DNAH14: variants seen among roughly 807,000 people sequenced by gnomAD.
The protein encoded by DNAH14 is dynein axonemal heavy chain 14, also known as axonemal beta dynein heavy chain 14.
DNAH14 carries 478 observed loss-of-function variants against 520.9 expected under a neutral mutation model. The ratio of observed to expected loss-of-function variants is 0.92; its 90% CI spans 0.85 to 0.99. The LOEUF (loss-of-function observed/expected upper bound fraction) is 0.99. Among genes scored for constraint, DNAH14 ranks in the 50% least tolerant of loss-of-function variants. The probability of loss-of-function intolerance (pLI) is 0.00; values close to 1 mark genes in which losing one functional copy is unlikely to be tolerated. For missense variants in DNAH14, 4,831 were observed against 5,234.5 expected, an observed-to-expected ratio of 0.92 and a Z score of 2.38; for synonymous variants, 1,581 against 1,757.2, an observed-to-expected ratio of 0.90 and a Z score of 2.51.
chr1:225,140,891 C>T lies in DNAH14; in HGVS notation c.4378C>T (p.Leu1460=), dbSNP rs2079392482. The change falls in exon 28 of 86, where the codon CTG becomes TTG. Residue 1460 remains leucine (L), a synonymous_variant. Transcript: ENST00000682510. ...HLEEVADLVV[L]DTSNSRTKAI... is the part of the protein sequence containing the mutation. ...AGAAGAGGTTGCAGACCTGGTAGTG[C>T]TGGATACTAGTAACTCTCGAACAAA... The T allele has an allele frequency of 6.4e-7, 1 of 1,551,194 alleles. No individual in the cohort carries two copies. The highest frequency in any genetic ancestry group is 1.4e-5 in the African/African-American group (1 of 72,998).
At chr1:225,111,542 C>G (rs2076477381) in intron 23 of DNAH14, among the ~76,000 whole-genome samples, 1 of 151,672 alleles carries the variant, frequency 6.6e-6, no homozygotes, top group Non-Finnish European at 1.5e-5. Flanking sequence ...AAGTGTGTTT[C>G]TTATTGGGAG....
At chr1:225,106,441 T>G (rs2148784795) in intron 23 of DNAH14, among the ~76,000 whole-genome samples, 1 of 152,286 alleles carries the variant, frequency 6.6e-6, no homozygotes, top group South Asian at 2.1e-4. Flanking sequence ...CTTGCTAGAT[T>G]GGGAAGTTCT....
chr1:225,365,112 C>G (rs546817914), intron 76 of DNAH14, among the ~76,000 whole-genome samples: 1 of 152,236 alleles, frequency 6.6e-6, no homozygotes, highest in African/African-American at 2.4e-5. Context: ...ATGTTATTTG[C>G]TCAAACAAGG....
At position 225,340,521 on chromosome 1, in the gene DNAH14, A is replaced by T. The variant is rs1001907140; in HGVS notation, c.10498A>T (p.Met3500Leu). The change falls in exon 69 of 86, where the codon ATG (methionine) becomes TTG (leucine). Residue 3500 changes from methionine to leucine, a missense_variant. Coordinates refer to ENST00000682510, the MANE Select transcript of DNAH14 (RefSeq NM_001367479.1). ...TCCATCAGTTTATAACTTTGTTACT[A>T]TGATCAACTTCACTGTAACATTCCA... The part of the protein sequence containing the change: ...FLPSVYNFVT[M>L]INFTVTFQGL... 6.4e-7 allele frequency: 1 copy of T among 1,551,388 alleles called. No individual in the cohort carries two copies. Among genetic ancestry groups the T allele is most frequent in the Non-Finnish European group, 8.7e-7 (1 of 1,146,816 alleles).
rs1286447396 is a variant in DNAH14 at position 224,953,571 on chromosome 1, C to T, written c.77+792C>T. On this transcript the variant is annotated intron_variant, in intron 2 of 85. Coordinates refer to ENST00000682510, the MANE Select transcript of DNAH14 (RefSeq NM_001367479.1). ...AAAACTTATTATAAAGCTATCATAA[C>T]TAAGAAGTGTGCTGTAGAAACAAGG... 2.6e-5 allele frequency among the ~76,000 whole-genome samples: 4 copies of T among 152,174 alleles called. No homozygotes were observed. The East Asian group carries it at 7.7e-4, about 29-fold the overall frequency.
intron 8 of DNAH14, among the ~76,000 whole-genome samples, chr1:224,998,923 G>GC (rs1337941523): frequency 6.6e-6 from 1 of 151,674 alleles, no homozygotes; most frequent in Non-Finnish European, 1.5e-5. Flanking sequence ...TTGACATTTT[G>GC]CAGCCCTATT....
chr1:225,264,087 G>T (rs905259208), intron 46 of DNAH14, 110 bp from the exon 47 acceptor site: 35 of 912,988 alleles, frequency 3.8e-5, no homozygotes, highest in Non-Finnish European at 5.7e-5. Context: ...AATTTTTCTT[G>T]TAAGAGTTAG....
intron 8 of DNAH14, among the ~76,000 whole-genome samples, chr1:224,985,237 G>C (rs2062547405): frequency 6.6e-6 from 1 of 152,030 alleles, no homozygotes; most frequent in Non-Finnish European, 1.5e-5. Context: ...CAAACAATAG[G>C]CATGTAAAGA....
At chr1:225,368,597 A>G (rs1354007947) in intron 77 of DNAH14, among the ~76,000 whole-genome samples, 9 of 152,106 alleles carry the variant, frequency 5.9e-5, no homozygotes, top group East Asian at 5.8e-4. Flanking sequence ...AACACGTGGT[A>G]GCATCTGCTT....
intron 29 of DNAH14, 57 bp from the exon 30 acceptor site, chr1:225,145,269 A>G (rs1435030847): frequency 2.2e-6 from 3 of 1,363,184 alleles, no homozygotes; most frequent in Non-Finnish European, 3.0e-6. Context: ...AGCAGTTTTA[A>G]CATTAGTATT....
intron 2 of DNAH14, 22 bp downstream of exon 2, chr1:224,952,801 A>G (rs776832738): frequency 1.3e-5 from 20 of 1,541,140 alleles, no homozygotes; most frequent in African/African-American, 2.8e-5. Context: ...ATAAAATATA[A>G]TGAGTTTTTT....
chr1:224,998,137 C>G (rs1324148455), intron 8 of DNAH14, among the ~76,000 whole-genome samples: 3 of 152,042 alleles, frequency 2.0e-5, no homozygotes, highest in Non-Finnish European at 1.5e-5. Flanking sequence ...CTTGATATCC[C>G]CTATTTCATT....
At chr1:225,094,759 A>C (rs1174604031) in intron 21 of DNAH14, among the ~76,000 whole-genome samples, 1 of 148,410 alleles carries the variant, frequency 6.7e-6, no homozygotes, top group African/African-American at 2.4e-5. Context: ...TTTGCAAACT[A>C]TGCGTCTGAT....
intron 43 of DNAH14, among the ~76,000 whole-genome samples, chr1:225,248,301 A>G (rs2092395076): frequency 6.6e-6 from 1 of 152,178 alleles, no homozygotes; most frequent in African/African-American, 2.4e-5. Context: ...TGAGCATAGA[A>G]CTTGGTAATA....
At chr1:225,332,134 T>C (rs1337088866) in intron 65 of DNAH14, among the ~76,000 whole-genome samples, 2 of 152,186 alleles carry the variant, frequency 1.3e-5, no homozygotes, top group African/African-American at 4.8e-5. Context: ...GGCTTCTCCA[T>C]GGTTGAATCT....
chr1:225,179,450 A>G (rs2083714628), intron 36 of DNAH14, among the ~76,000 whole-genome samples: 1 of 152,214 alleles, frequency 6.6e-6, no homozygotes, highest in Admixed American at 6.5e-5. Flanking sequence ...TCATGACAAC[A>G]TAACTTTAAT....
chr1:225,300,047 A>G (rs2094108510), intron 55 of DNAH14, among the ~76,000 whole-genome samples: 1 of 152,156 alleles, frequency 6.6e-6, no homozygotes, highest in Admixed American at 6.5e-5. Flanking sequence ...ATGTCCTTAC[A>G]TTTATAATAA....
chr1:225,381,218 C>A (rs774331087), intron 80 of DNAH14, among the ~76,000 whole-genome samples, 165 bp from the exon 81 acceptor site: 8 of 152,096 alleles, frequency 5.3e-5, no homozygotes, highest in Non-Finnish European at 1.2e-4. Flanking sequence ...GTGGTGTGGT[C>A]CCCATACCCT....
chr1:225,243,266 C>A (rs1415136997), intron 43 of DNAH14, among the ~76,000 whole-genome samples: 2 of 151,910 alleles, frequency 1.3e-5, no homozygotes, highest in East Asian at 3.9e-4. Flanking sequence ...TTTGCTTTGT[C>A]ATCTGAAATA....
Sources: gnomAD v4.1 joint callset for allele counts (sites outside exome capture counted in the v4.1 genomes callset) on GRCh38, gnomAD v4.1.1 for gene constraint, MANE v1.5 for transcripts, NCBI Gene and HGNC (gene_info 2026-07-23, HGNC 2026-07-21) for gene names.